The following TTN variants were observed in gnomAD, a reference collection of about 807,000 sequenced individuals.
TTN encodes titin.
In TTN, 1,525 loss-of-function variants were observed where a neutral mutation model predicts 3,223.0. The observed-to-expected ratio is 0.47, with a 90% confidence interval of 0.45 to 0.49. The LOEUF is 0.49. Among genes scored for constraint, TTN ranks in the 20% least tolerant of loss-of-function variants. The pLI is 0.00. For missense variants in TTN, 40,786 were observed against 43,424.0 expected, an observed-to-expected ratio of 0.94 and a Z score of 5.40; for synonymous variants, 14,094 against 15,161.0, an observed-to-expected ratio of 0.93 and a Z score of 5.17.
intron 135 of TTN, among the ~76,000 whole-genome samples, 167 bp from the exon 136 acceptor site, chr2:178,681,905 C>T (rs1287433268): frequency 1.3e-5 from 2 of 151,844 alleles, no homozygotes; most frequent in African/African-American, 4.8e-5. Context: ...TCATATTGCC[C>T]TTTCCTTCTT....
intron 121 of TTN, among the ~76,000 whole-genome samples, chr2:178,690,699 G>A (rs1361291848): frequency 1.3e-5 from 2 of 152,034 alleles, no homozygotes; most frequent in Non-Finnish European, 2.9e-5. Context: ...GTGAATCCCT[G>A]CACCTCTGCA....
chr2:178,773,228 T>C lies in TTN; in HGVS notation c.7736A>G (p.Lys2579Arg), dbSNP rs1222416655. The stretch of plus-strand genomic sequence containing the variant: ...ATATATTTTTCCATGTGCTTCAATT[T>C]TATATTTAGAACTGGGCTTGATTTC... ...DKEIKPSSKY[K>R]IEAHGKIYKL... Residue 2579 changes from lysine (K) to arginine (R), a missense_variant, in exon 33 of 363, where the codon AAA becomes AGA. Lys to Arg is a conservative substitution (Grantham distance 26, BLOSUM62 2). Coordinates refer to ENST00000589042, the MANE Select transcript of TTN (RefSeq NM_001267550.2). The C allele has an allele frequency of 1.2e-6, 2 of 1,613,888 alleles. No individual in the cohort carries two copies. The highest frequency in any genetic ancestry group is 1.1e-5 in the South Asian group (1 of 91,054).
Position 178,709,769 on chromosome 2 carries a change from A to G in TTN, c.28550T>C (p.Val9517Ala). Residue 9517 changes from valine (V) to alanine (A), a missense_variant, in exon 99 of 363, where the codon GTG becomes GCG. Physicochemically the swap from Val to Ala is moderately conservative, Grantham distance 64. Transcript: ENST00000589042. Reference protein sequence around the residue: ...EGNSFKLEGRVAGSQPITVAW... With the variant: ...EGNSFKLEGRAAGSQPITVAW... Reference sequence around the variant, plus strand: ...AACAGTTATAGGTTGGGAACCAGCCACACGTCCCTCAAGTTTGAAAGAATT... The same window carrying G: ...AACAGTTATAGGTTGGGAACCAGCCGCACGTCCCTCAAGTTTGAAAGAATT... The G allele has an allele frequency of 1.2e-6, 2 of 1,613,906 alleles. No homozygotes were observed. Among genetic ancestry groups the G allele is most frequent in the Non-Finnish European group, 1.7e-6 (2 of 1,179,828 alleles).
intron 129 of TTN, 72 bp from the exon 130 acceptor site, chr2:178,685,061 T>A: frequency 3.0e-6 from 4 of 1,335,004 alleles, no homozygotes; most frequent in Middle Eastern, 1.8e-4. Flanking sequence ...GGGCTTAGCA[T>A]TCACTTTTTG....
In TTN at chr2:178,790,149, T is replaced by C. The variant is rs76112661; in HGVS notation, c.1801-34A>G. The C allele has an allele frequency of 2.8e-4, 452 of 1,599,966 alleles. 2 individuals are homozygous for C. In the East Asian group the frequency reaches 8.9e-3, roughly 32 times the overall value. On this transcript the variant is annotated intron_variant, in intron 11 of 362. Transcript: ENST00000589042. Reference sequence around the variant, plus strand: ...ACAAAAGAAAGTAAGAAAATAGTCATTAAATTCCATAAATCTTTAATAAAA... The same window carrying C: ...ACAAAAGAAAGTAAGAAAATAGTCACTAAATTCCATAAATCTTTAATAAAA...
Position 178,534,674 on chromosome 2 carries a change from A to G in TTN, c.101941T>C (p.Tyr33981His), listed in dbSNP as rs781686886. ...NFRLLFTAPE[Y>H]YAPEVHQHDV... ...TGCTGGTGGACTTCAGGTGCATAGTATTCTGGGGCAGTGAATAGAAGCCTG... is the reference window on the plus strand; with the variant it reads ...TGCTGGTGGACTTCAGGTGCATAGTGTTCTGGGGCAGTGAATAGAAGCCTG... Residue 33981 changes from tyrosine to histidine, a missense_variant, in exon 358 of 363, where the codon TAC (tyrosine) becomes CAC (histidine). By Grantham distance (83) the Tyr-to-His change is moderately conservative. Transcript: ENST00000589042. 9.9e-6 allele frequency: 16 copies of G among 1,613,700 alleles called. No individual in the cohort carries two copies. The highest frequency in any genetic ancestry group is 6.6e-5 in the South Asian group (6 of 91,088).
In TTN at chr2:178,745,643, C is replaced by T. The variant is rs768783940; in HGVS notation, c.11312-3722G>A. ...CATTCCTGATTTGTTTGTAGCTACA[C>T]ACCTATACTCTCCTTCATCACTCTT... On this transcript the variant is annotated intron_variant, in intron 47 of 362. Coordinates refer to ENST00000589042, the MANE Select transcript of TTN (RefSeq NM_001267550.2). The T allele has an allele frequency of 1.8e-5, 29 of 1,612,538 alleles. No homozygotes were observed. The East Asian group carries it at 3.1e-4, about 17-fold the overall frequency.
In TTN at chr2:178,589,155, G is replaced by A. The variant is rs371982026; in HGVS notation, c.62570C>T (p.Ala20857Val). The A allele has an allele frequency of 1.3e-5, 21 of 1,613,086 alleles. No homozygotes were observed. In the African/African-American group the frequency reaches 2.4e-4, roughly 18 times the overall value. Reference protein sequence around the residue: ...TNTAGSFVAYATVNVLDKPGP... With the variant: ...TNTAGSFVAYVTVNVLDKPGP... The stretch of plus-strand genomic sequence containing the variant: ...AGGCTTATCTAAAACATTGACAGTG[G>A]CATAGGCCACAAAACTGCCAGCCGT... Residue 20857 changes from alanine (A) to valine (V), a missense_variant, in exon 304 of 363, where the codon GCC (alanine) becomes GTC (valine). By Grantham distance (64) the Ala-to-Val change is moderately conservative. Coordinates refer to ENST00000589042, the MANE Select transcript of TTN (RefSeq NM_001267550.2).
chr2:178,572,505 G>C lies in TTN; in HGVS notation c.73627C>G (p.Pro24543Ala). The change falls in exon 326 of 363, where the codon CCT (proline) becomes GCT (alanine). Residue 24543 changes from proline (P) to alanine (A), a missense_variant. Coordinates refer to ENST00000589042, the MANE Select transcript of TTN (RefSeq NM_001267550.2). ...KTSVTLTWDP[P>A]LLDGGSKIKN... ...ATTTTTGAACCTCCATCAAGGAGAG[G>C]TGGGTCCCATGTGAGTGTGACAGAT... The C allele has an allele frequency of 2.5e-6, 4 of 1,613,358 alleles. No individual in the cohort carries two copies. Among genetic ancestry groups the C allele is most frequent in the Non-Finnish European group, 3.4e-6 (4 of 1,179,592 alleles).
At chr2:178,721,240 A>G in intron 78 of TTN, 38 bp from the exon 79 acceptor site, 4 of 1,481,990 alleles carry the variant, frequency 2.7e-6, no homozygotes, top group Non-Finnish European at 3.6e-6. Context: ...AGGGATATTT[A>G]TTATACATGT....
chr2:178,607,133 G>A lies in TTN; in HGVS notation c.53469C>T (p.Asp17823=). Residue 17823 remains aspartate, a synonymous_variant, in exon 278 of 363, where the codon GAC becomes GAT. Transcript: ENST00000589042. ...QPIETERSKC[D]ITGLLEGQEY... Reference sequence around the variant, plus strand: ...CTTGTCCCTCAAGCAGACCTGTGATGTCACATTTAGATCTCTCAGTCTCTA... The same window carrying A: ...CTTGTCCCTCAAGCAGACCTGTGATATCACATTTAGATCTCTCAGTCTCTA... 1.2e-6 allele frequency: 2 copies of A among 1,612,892 alleles called. No homozygotes were observed. The highest frequency in any genetic ancestry group is 1.7e-6 in the Non-Finnish European group (2 of 1,179,264).
Position 178,759,172 on chromosome 2 carries a change from T to A in TTN, c.10115A>T (p.Asp3372Val). 1.2e-6 allele frequency: 2 copies of A among 1,613,928 alleles called. No individual in the cohort carries two copies. Among genetic ancestry groups the A allele is most frequent in the African/African-American group, 2.7e-5 (2 of 75,040 alleles). ...TTTGCTGTACCACGACACTTTTAGA[T>A]CTGCGACACAAAAGAAAAGAGATAC... ...ARFQCRVSGT[D>V]LKVSWYSKDK... Residue 3372 changes from aspartate to valine, a missense_variant and splice_region_variant, in exon 44 of 363, where the codon GAT (aspartate) becomes GTT (valine). By Grantham distance (152) the Asp-to-Val change is radical. Coordinates refer to ENST00000589042, the MANE Select transcript of TTN (RefSeq NM_001267550.2).
chr2:178,617,386 T>G lies in TTN; in HGVS notation c.47699A>C (p.Glu15900Ala). 1 of 1,588,958 alleles carries G rather than the reference T, an allele frequency of 6.3e-7. No individual in the cohort carries two copies. The highest frequency in any genetic ancestry group is 1.2e-5 in the South Asian group (1 of 85,268). ...PILGYIIERC[E>A]EGKDNWIRCN... is the part of the protein sequence containing the mutation. ...ACGAATCCAATTATCTTTTCCTTCT[T>G]CGCATCGCTCAATTATATAGCCTAA... The change falls in exon 254 of 363, where the codon GAA becomes GCA. Residue 15900 changes from glutamate (E) to alanine (A), a missense_variant. By Grantham distance (107) the Glu-to-Ala change is moderately radical. Transcript: ENST00000589042.
Position 178,768,855 on chromosome 2 carries a change from T to C in TTN, c.8981A>G (p.Tyr2994Cys). The C allele has an allele frequency of 6.2e-7, 1 of 1,614,138 alleles. No homozygotes were observed. The highest frequency in any genetic ancestry group is 1.7e-5 in the Admixed American group (1 of 60,018). Residue 2994 changes from tyrosine to cysteine, a missense_variant, in exon 38 of 363, where the codon TAT becomes TGT. Physicochemically the swap from Tyr to Cys is radical, Grantham distance 194. Transcript: ENST00000589042. ...DTITFEVTVN[Y>C]EGISYKWLKN... ...TAACCATTTGTAAGAGATGCCTTCATAGTTCACTGTCACCTCAAAAGTAAT... is the reference window on the plus strand; with the variant it reads ...TAACCATTTGTAAGAGATGCCTTCACAGTTCACTGTCACCTCAAAAGTAAT...
At chr2:178,639,493 T>C (rs1432537992) in intron 223 of TTN, among the ~76,000 whole-genome samples, 1 of 152,022 alleles carries the variant, frequency 6.6e-6, no homozygotes, top group African/African-American at 2.4e-5. Flanking sequence ...TACATTCCAG[T>C]TAAGGCACAA....
chr2:178,588,212 A>T lies in TTN; in HGVS notation c.63195T>A (p.Pro21065=). The change falls in exon 305 of 363, where the codon CCT becomes CCA. Residue 21065 remains proline, a synonymous_variant. Coordinates refer to ENST00000589042, the MANE Select transcript of TTN (RefSeq NM_001267550.2). ...PVVAKDPIEP[P]GPPTNFRVVD... is the part of the protein sequence containing the mutation. ...CCACTCTGAAATTGGTTGGTGGACC[A>T]GGTGGCTCTGAAAGTAAAATATACA... is the stretch of plus-strand genomic sequence containing the variant. 6.4e-7 allele frequency: 1 copy of T among 1,568,454 alleles called. No individual in the cohort carries two copies. Among genetic ancestry groups the T allele is most frequent in the Non-Finnish European group, 8.7e-7 (1 of 1,154,338 alleles).
intron 295 of TTN, 110 bp from the exon 296 acceptor site, chr2:178,594,756 C>A: frequency 1.1e-6 from 1 of 874,940 alleles, no homozygotes; most frequent in Non-Finnish European, 1.7e-6. Context: ...ATTAAACTCT[C>A]TGCTCCCATA....
chr2:178,751,903 A>C (rs1393799643), intron 47 of TTN: 1 of 1,595,014 alleles, frequency 6.3e-7, no homozygotes, highest in Admixed American at 1.8e-5. Context: ...TAAAATATTC[A>C]GGCCAGGAGC....
chr2:178,546,244 G>C lies in TTN; in HGVS notation c.95087C>G (p.Thr31696Ser). 6.2e-7 allele frequency: 1 copy of C among 1,613,086 alleles called. No individual in the cohort carries two copies. The highest frequency in any genetic ancestry group is 1.3e-5 in the African/African-American group (1 of 75,002). The change falls in exon 342 of 363, where the codon ACC (threonine) becomes AGC (serine). Residue 31696 changes from threonine (T) to serine (S), a missense_variant. Transcript: ENST00000589042. ...YTLTVKNASG[T>S]KAVSVMVKVL... is the part of the protein sequence containing the mutation. ...TTTGACCATGACAGACACGGCCTTG[G>C]TCCCGCTGGCATTTTTCACTGTTAA... is the stretch of plus-strand genomic sequence containing the variant.
Sources: gnomAD v4.1 joint callset for allele counts (sites outside exome capture counted in the v4.1 genomes callset) on GRCh38, gnomAD v4.1.1 for gene constraint, MANE v1.5 for transcripts, NCBI Gene and HGNC (gene_info 2026-07-23, HGNC 2026-07-21) for gene names.